The following MIS18A variants were observed in gnomAD, a reference collection of about 807,000 sequenced individuals.
The protein encoded by MIS18A is protein Mis18-alpha.
In MIS18A, 14 loss-of-function variants were observed where a neutral mutation model predicts 25.0. The observed-to-expected ratio is 0.56, with a 90% CI of 0.37 to 0.88. The LOEUF is 0.88. Ranked by LOEUF, MIS18A falls within the 40% of genes least tolerant of loss-of-function variation. The pLI is 0.00. For synonymous variants in MIS18A, 134 were observed against 118.6 expected (o/e 1.13, Z -0.84); for missense variants, 292 against 290.8 (o/e 1.00, Z -0.03).
rs1157179560 is a variant in MIS18A at position 32,274,904 on chromosome 21, C to G, written c.335-8G>C. 6.2e-6 allele frequency: 10 copies of G among 1,604,858 alleles called. No individual in the cohort carries two copies. The highest frequency in any genetic ancestry group is 8.5e-6 in the Non-Finnish European group (10 of 1,173,116). ...AAACATTACAGGAAACACCTAGAAA[C>G]AGAGAAAGTAACAATAATTTATTAA... On this transcript the variant is annotated splice_polypyrimidine_tract_variant and splice_region_variant and intron_variant, in intron 1 of 4. Transcript: ENST00000290130.
the MIS18A span, among the ~76,000 whole-genome samples, chr21:32,241,423 ACC>A: frequency 6.6e-6 from 1 of 151,672 alleles, no homozygotes; most frequent in African/African-American, 2.4e-5. Context: ...CAAGGATGTG[ACC>A]CCAAATGGTA....
chr21:32,185,913 T>G, the MIS18A span, among the ~76,000 whole-genome samples: 2 of 152,094 alleles, frequency 1.3e-5, no homozygotes, highest in Non-Finnish European at 2.9e-5. Flanking sequence ...AGTGCAGGGG[T>G]CTCACCTGTT....
the MIS18A span, among the ~76,000 whole-genome samples, chr21:32,250,942 A>T: frequency 6.6e-6 from 1 of 152,216 alleles, no homozygotes; most frequent in East Asian, 1.9e-4. Flanking sequence ...AGGCAATTGA[A>T]TCATGGGGAT....
In MIS18A at chr21:32,270,481, G is replaced by A. The variant is rs61737940; in HGVS notation, c.450C>T (p.Tyr150=). The A allele has an allele frequency of 1.6e-3, 2,559 of 1,608,694 alleles. 26 individuals are homozygous for A. In the African/African-American group the frequency reaches 0.024, roughly 15 times the overall value. ...CCAGCSLNLG[Y]VYRCTPKNLD... The stretch of plus-strand genomic sequence containing the variant: ...GATTCTTGGGCGTGCATCTGTACAC[G>A]TAGCCAAGATTGAGTGAGCACCCCG... Residue 150 remains tyrosine, a synonymous_variant, in exon 3 of 5, where the codon TAC becomes TAT. Transcript: ENST00000290130.
At chr21:32,253,402 C>T in the MIS18A span, among the ~76,000 whole-genome samples, 1 of 139,624 alleles carries the variant, frequency 7.2e-6, no homozygotes, top group Non-Finnish European at 1.6e-5. Flanking sequence ...CCCCCACCCC[C>T]CATTAGGCCT....
chr21:32,198,797 T>C, the MIS18A span, among the ~76,000 whole-genome samples: 1 of 152,246 alleles, frequency 6.6e-6, no homozygotes, highest in East Asian at 1.9e-4. Context: ...TTACTGGGAA[T>C]TGAAAAGGTG....
chr21:32,191,675 G>A, the MIS18A span, among the ~76,000 whole-genome samples: 8 of 152,316 alleles, frequency 5.3e-5, no homozygotes, highest in East Asian at 1.9e-4. Flanking sequence ...AGGTCAAGGC[G>A]GGTGGGTCAC....
chr21:32,241,772 T>C, the MIS18A span, among the ~76,000 whole-genome samples: 2 of 152,224 alleles, frequency 1.3e-5, no homozygotes, highest in African/African-American at 4.8e-5. Context: ...AGCACAATTA[T>C]GGAAAACTGC....
chr21:32,173,320 T>C, the MIS18A span, among the ~76,000 whole-genome samples: 2 of 152,134 alleles, frequency 1.3e-5, no homozygotes, highest in African/African-American at 2.4e-5. Context: ...TGTGGAGAAT[T>C]TGGAATCCTC....
At chr21:32,185,363 C>CA in the MIS18A span, among the ~76,000 whole-genome samples, 2 of 152,172 alleles carry the variant, frequency 1.3e-5, no homozygotes, top group African/African-American at 4.8e-5. Flanking sequence ...GGGAGCTGAG[C>CA]AGCCCATTGG....
chr21:32,239,307 G>A, the MIS18A span, among the ~76,000 whole-genome samples: 1 of 152,122 alleles, frequency 6.6e-6, no homozygotes, highest in African/African-American at 2.4e-5. Flanking sequence ...CTGGTGGGGA[G>A]GCAGGAGCTA....
At chr21:32,275,290 T>C (rs1464115973) in intron 1 of MIS18A, among the ~76,000 whole-genome samples, 2 of 152,148 alleles carry the variant, frequency 1.3e-5, no homozygotes, top group African/African-American at 4.8e-5. Flanking sequence ...CTAACATTAA[T>C]AGAATGGCTA....
chr21:32,255,776 A>G, the MIS18A span, among the ~76,000 whole-genome samples: 1 of 151,788 alleles, frequency 6.6e-6, no homozygotes, highest in East Asian at 2.0e-4. Flanking sequence ...CTGTAGTGCT[A>G]GCTACTCGGG....
At chr21:32,188,836 C>T in the MIS18A span, among the ~76,000 whole-genome samples, 7 of 152,132 alleles carry the variant, frequency 4.6e-5, no homozygotes, top group Non-Finnish European at 7.4e-5. Context: ...GAATGGAGAA[C>T]GAGGCAGTGA....
chr21:32,250,039 C>T, the MIS18A span, among the ~76,000 whole-genome samples: 1 of 152,060 alleles, frequency 6.6e-6, no homozygotes, highest in Admixed American at 6.5e-5. Flanking sequence ...AAGGAGCAGC[C>T]AGAAACAGAA....
chr21:32,188,486 T>C, the MIS18A span, among the ~76,000 whole-genome samples: 6 of 152,186 alleles, frequency 3.9e-5, no homozygotes, highest in Non-Finnish European at 7.4e-5. Context: ...ATTTTTGCAC[T>C]GGAGAAAGAC....
the MIS18A span, among the ~76,000 whole-genome samples, chr21:32,254,528 T>C: frequency 6.6e-6 from 1 of 151,588 alleles, no homozygotes; most frequent in Non-Finnish European, 1.5e-5. Flanking sequence ...TGAAACTCGG[T>C]CTCAAAAAAA....
chr21:32,198,218 G>A, the MIS18A span, among the ~76,000 whole-genome samples: 1 of 152,226 alleles, frequency 6.6e-6, no homozygotes, highest in Admixed American at 6.5e-5. Context: ...GAAGGAAAGA[G>A]GGCCTGGGAA....
At chr21:32,240,758 G>A in the MIS18A span, among the ~76,000 whole-genome samples, 354 of 108,554 alleles carry the variant, frequency 3.3e-3, 5 homozygotes, top group East Asian at 0.03. Context: ...AGACACTGAC[G>A]CCCAAAAGAT....
Sources: gnomAD v4.1 joint callset for allele counts (sites outside exome capture counted in the v4.1 genomes callset) on GRCh38, gnomAD v4.1.1 for gene constraint, MANE v1.5 for transcripts, NCBI Gene and HGNC (gene_info 2026-07-23, HGNC 2026-07-21) for gene names.